PRDM1: variants seen among roughly 807,000 people sequenced by gnomAD.
PRDM1 encodes PR domain zinc finger protein 1.
A neutral mutation model predicts 62.8 loss-of-function variants in PRDM1; 13 were observed. The observed-to-expected ratio is 0.21, with a 90% CI of 0.13 to 0.33. The LOEUF (loss-of-function observed/expected upper bound fraction) is 0.33, where lower values mean the gene tolerates loss of function less well. PRDM1 is among the 10% of genes least tolerant of loss of function. The pLI is 1.00. For synonymous variants in PRDM1, 396 were observed against 417.6 expected (o/e 0.95, Z 0.63); for missense variants, 895 against 1,058.8 (o/e 0.85, Z 2.15).
chr6:106,098,550 G>A (rs1236903091), intron 3 of PRDM1: 3 of 1,282,696 alleles, frequency 2.3e-6, no homozygotes, highest in Non-Finnish European at 3.1e-6. Flanking sequence ...CCCAGATAAG[G>A]GGTTCCCTTC....
intron 1 of PRDM1, among the ~76,000 whole-genome samples, chr6:106,025,917 C>A (rs985688894): frequency 6.6e-6 from 1 of 152,098 alleles, no homozygotes; most frequent in African/African-American, 2.4e-5. Flanking sequence ...TTGAAACAGA[C>A]CTCATGCATT....
At chr6:106,089,102 T>C (rs1773895408) in intron 2 of PRDM1, among the ~76,000 whole-genome samples, 3 of 152,206 alleles carry the variant, frequency 2.0e-5, no homozygotes. Context: ...ACACTCTTTG[T>C]TGTTTCAAAG....
chr6:106,018,946 A>G (rs1169906862), intron 1 of PRDM1, among the ~76,000 whole-genome samples: 2 of 152,070 alleles, frequency 1.3e-5, no homozygotes, highest in South Asian at 2.1e-4. Flanking sequence ...GAGTATCTAC[A>G]TACATTATTT....
intron 1 of PRDM1, among the ~76,000 whole-genome samples, chr6:105,999,393 CAA>C (rs775068525): frequency 7.3e-6 from 1 of 137,134 alleles, no homozygotes; most frequent in African/African-American, 2.7e-5. Context: ...CCCATGTCTA[CAA>C]AAAAAAAAAA....
chr6:106,053,476 A>G (rs1773211102), intron 1 of PRDM1, among the ~76,000 whole-genome samples: 1 of 151,798 alleles, frequency 6.6e-6, no homozygotes, highest in African/African-American at 2.4e-5. Flanking sequence ...TGAGACCCCA[A>G]TTTAGAAATA....
intron 1 of PRDM1, among the ~76,000 whole-genome samples, chr6:106,075,238 G>T (rs1582452073): frequency 6.6e-6 from 1 of 152,108 alleles, no homozygotes; most frequent in Admixed American, 6.5e-5. Flanking sequence ...CGTATTTAAA[G>T]TAAGGACAGT....
chr6:106,005,061 G>A lies in PRDM1; in HGVS notation c.-67+11422G>A, dbSNP rs564119876. ...CTCCAGTTCTTTCACACAGTTAAGT[G>A]CTTGCTGCAATCTTCTTAAGGCTGA... On this transcript the variant is annotated intron_variant, in intron 1 of 6. Transcript: ENST00000652320. 2.0e-5 allele frequency among the ~76,000 whole-genome samples: 3 copies of A among 152,300 alleles called. No individual in the cohort carries two copies. The East Asian group carries it at 5.8e-4, about 29-fold the overall frequency.
At chr6:106,095,589 T>A (rs372322351) in intron 2 of PRDM1, 26 bp from the exon 3 acceptor site, 243 of 1,607,344 alleles carry the variant, frequency 1.5e-4, no homozygotes, top group Non-Finnish European at 2.0e-4. Context: ...TCAAAGTAAT[T>A]GTTTCCTGTG....
intron 2 of PRDM1, among the ~76,000 whole-genome samples, chr6:106,093,956 C>T (rs557185755): frequency 2.0e-5 from 3 of 151,956 alleles, no homozygotes; most frequent in Middle Eastern, 6.8e-3. Flanking sequence ...ATATTGAATA[C>T]TAAATTGTTT....
At chr6:106,013,177 C>A (rs1282124912) in intron 1 of PRDM1, among the ~76,000 whole-genome samples, 1 of 152,022 alleles carries the variant, frequency 6.6e-6, no homozygotes, top group Non-Finnish European at 1.5e-5. Flanking sequence ...AGCCATCATG[C>A]CTGGCCATAC....
At chr6:106,088,875 C>G (rs1773888450) in intron 2 of PRDM1, among the ~76,000 whole-genome samples, 1 of 152,182 alleles carries the variant, frequency 6.6e-6, no homozygotes, top group Non-Finnish European at 1.5e-5. Context: ...TGGCTTTACT[C>G]TTTTTAACAA....
At chr6:106,052,966 C>CA (rs965906664) in intron 1 of PRDM1, among the ~76,000 whole-genome samples, 26 of 139,984 alleles carry the variant, frequency 1.9e-4, no homozygotes, top group African/African-American at 2.6e-4. Context: ...GACTCTATCT[C>CA]AAAAAAAAAA....
At chr6:106,038,914 T>C (rs1340087435) in intron 1 of PRDM1, among the ~76,000 whole-genome samples, 1 of 152,158 alleles carries the variant, frequency 6.6e-6, no homozygotes, top group Non-Finnish European at 1.5e-5. Flanking sequence ...AGAAGACAGG[T>C]CCCTACTCCT....
intron 1 of PRDM1, among the ~76,000 whole-genome samples, chr6:106,000,579 C>A (rs919434220): frequency 2.1e-5 from 3 of 139,856 alleles, no homozygotes; most frequent in African/African-American, 7.7e-5. Context: ...TGTATGTTTT[C>A]CATGTATGTA....
At chr6:106,003,954 G>GGA (rs1476610037) in intron 1 of PRDM1, among the ~76,000 whole-genome samples, 1 of 152,202 alleles carries the variant, frequency 6.6e-6, no homozygotes, top group Non-Finnish European at 1.5e-5. Flanking sequence ...GACAGATGGA[G>GGA]GAAGGGGTCA....
chr6:106,080,831 C>T (rs1238912602), intron 1 of PRDM1, among the ~76,000 whole-genome samples: 2 of 152,128 alleles, frequency 1.3e-5, no homozygotes, highest in Non-Finnish European at 1.5e-5. Context: ...GTGTTTGGTC[C>T]CATTCTAGGG....
chr6:106,074,695 C>T (rs930143300), intron 1 of PRDM1, among the ~76,000 whole-genome samples: 1 of 152,120 alleles, frequency 6.6e-6, no homozygotes, highest in African/African-American at 2.4e-5. Flanking sequence ...ATCGGAGAGG[C>T]CTGGTGCCTT....
Position 106,087,170 on chromosome 6 carries a change from CT to C in PRDM1, c.42+582del, listed in dbSNP as rs1335620225. On this transcript the variant is annotated intron_variant, in intron 1 of 6. Coordinates refer to ENST00000369096, the MANE Select transcript of PRDM1 (RefSeq NM_001198.4). ...GAAAACCCTTACAGAAGTTGTTTAC[CT>C]TTTTTTGCCTTTGGAAAACAGTTTT... is the stretch of plus-strand genomic sequence containing the variant. Among the ~76,000 whole-genome samples, 3 of 152,066 alleles carry C rather than the reference CT, an allele frequency of 2.0e-5. No individual in the cohort carries two copies. The East Asian group carries it at 5.8e-4, about 29-fold the overall frequency.
At position 106,109,782 on chromosome 6, in the gene PRDM1, T is replaced by A. The variant is rs776900653; in HGVS notation, c.*2296T>A. ...AGCCCACAATCAACAGTGGTTTTAT[T>A]TTTTCCTCTACTCAAAGTTAAAACT... On this transcript the variant is annotated 3_prime_UTR_variant, in exon 7 of 7. Coordinates refer to ENST00000369096, the MANE Select transcript of PRDM1 (RefSeq NM_001198.4). 12 of 233,138 alleles carry A rather than the reference T, an allele frequency of 5.1e-5. No homozygotes were observed. Among genetic ancestry groups the A allele is most frequent in the Non-Finnish European group, 6.8e-5 (8 of 117,718 alleles). The allele number at this position is 233,138 out of a possible 1,614,324, so 14.4% of individuals were successfully genotyped here.
Sources: gnomAD v4.1 joint callset for allele counts (sites outside exome capture counted in the v4.1 genomes callset) on GRCh38, gnomAD v4.1.1 for gene constraint, MANE v1.5 for transcripts, NCBI Gene and HGNC (gene_info 2026-07-23, HGNC 2026-07-21) for gene names.